The following SOCS5 variants were observed in gnomAD, a reference collection of about 807,000 sequenced individuals.
SOCS5 encodes the protein CIS-6.
A neutral mutation model predicts 42.8 loss-of-function variants in SOCS5; 32 were observed. The ratio of observed to expected loss-of-function variants is 0.75; its 90% CI spans 0.56 to 1.01. SOCS5 has a LOEUF of 1.01. Among genes scored for constraint, SOCS5 ranks in the 50% least tolerant of loss-of-function variants. The pLI is 0.00. For synonymous variants in SOCS5, 283 were observed against 229.6 expected (o/e 1.23, Z -2.10); for missense variants, 627 against 653.0 (o/e 0.96, Z 0.43).
intron 1 of SOCS5, among the ~76,000 whole-genome samples, chr2:46,746,800 C>T (rs1673509257): frequency 6.6e-6 from 1 of 151,766 alleles, no homozygotes; most frequent in African/African-American, 2.4e-5. Context: ...TGTGACCCTG[C>T]TAAACTCACT....
chr2:46,701,591 TATTTGTG>T (rs2103683690), intron 1 of SOCS5, among the ~76,000 whole-genome samples: 1 of 152,162 alleles, frequency 6.6e-6, no homozygotes, highest in African/African-American at 2.4e-5. Context: ...GTTTTTGGAT[TATTTGTG>T]ATTTGTTCCC....
chr2:46,711,398 G>A (rs1298719066), intron 1 of SOCS5, among the ~76,000 whole-genome samples: 1 of 152,140 alleles, frequency 6.6e-6, no homozygotes, highest in African/African-American at 2.4e-5. Context: ...ATTTTGTCAT[G>A]TGCTTATAGG....
intron 1 of SOCS5, among the ~76,000 whole-genome samples, chr2:46,721,579 A>T (rs1290010468): frequency 6.6e-6 from 1 of 152,202 alleles, no homozygotes; most frequent in Non-Finnish European, 1.5e-5. Flanking sequence ...CTTCCACATT[A>T]GACTTATATT....
chr2:46,718,020 C>T (rs1672788657), intron 1 of SOCS5, among the ~76,000 whole-genome samples: 1 of 152,158 alleles, frequency 6.6e-6, no homozygotes, highest in African/African-American at 2.4e-5. Flanking sequence ...TCTAGTTTTG[C>T]TGCTCAAATT....
At chr2:46,715,380 AAAAAAG>A (rs957137377) in intron 1 of SOCS5, among the ~76,000 whole-genome samples, 2 of 151,884 alleles carry the variant, frequency 1.3e-5, no homozygotes, top group African/African-American at 4.8e-5. Context: ...TCAAAAAAAA[AAAAAAG>A]AAAAGAAAAA....
chr2:46,723,349 G>A (rs1424557415), intron 1 of SOCS5, among the ~76,000 whole-genome samples: 1 of 150,862 alleles, frequency 6.6e-6, no homozygotes, highest in African/African-American at 2.4e-5. Flanking sequence ...TGAAGTTTAG[G>A]TTAAGGTTCA....
At chr2:46,702,907 C>T (rs1672374970) in intron 1 of SOCS5, among the ~76,000 whole-genome samples, 2 of 152,158 alleles carry the variant, frequency 1.3e-5, no homozygotes, top group South Asian at 2.1e-4. Flanking sequence ...TCAGGTTTTT[C>T]TGTTGCTTTT....
intron 1 of SOCS5, among the ~76,000 whole-genome samples, chr2:46,753,076 A>T (rs577563174): frequency 7.9e-5 from 12 of 152,218 alleles, no homozygotes; most frequent in African/African-American, 2.6e-4. Context: ...TACCTCTCCA[A>T]CTTCATCTTG....
chr2:46,731,438 C>T (rs568275635), intron 1 of SOCS5, among the ~76,000 whole-genome samples: 1 of 152,186 alleles, frequency 6.6e-6, no homozygotes, highest in Non-Finnish European at 1.5e-5. Flanking sequence ...GTGTATAAAC[C>T]ACCCTGTTTA....
intron 1 of SOCS5, among the ~76,000 whole-genome samples, chr2:46,706,266 A>G (rs531279461): frequency 6.6e-6 from 1 of 152,318 alleles, no homozygotes; most frequent in African/African-American, 2.4e-5. Context: ...AGGTTAAGTG[A>G]CTTTCCCAAG....
intron 1 of SOCS5, among the ~76,000 whole-genome samples, chr2:46,726,762 T>C (rs1201236438): frequency 6.7e-6 from 1 of 150,244 alleles, no homozygotes; most frequent in Non-Finnish European, 1.5e-5. Context: ...TTATTATTAT[T>C]ATTATTATTT....
In SOCS5 at chr2:46,730,759, C is replaced by T. The variant is rs116326855; in HGVS notation, c.-12-27760C>T. ...GGAAAAAATCTATCAATCACATTTC[C>T]GGAGTCTGCTTTATTAATCAGTCTA... On this transcript the variant is annotated intron_variant, in intron 1 of 1. Coordinates refer to ENST00000394861, the MANE Select transcript of SOCS5 (RefSeq NM_144949.3). 3.5e-3 allele frequency among the ~76,000 whole-genome samples: 538 copies of T among 152,226 alleles called. 11 individuals are homozygous for T. The highest frequency in any genetic ancestry group is 0.012 in the African/African-American group (496 of 41,536).
rs917662284 is a variant in SOCS5 at position 46,761,296 on chromosome 2, A to G, written c.*1155A>G. On this transcript the variant is annotated 3_prime_UTR_variant, in exon 2 of 2. Coordinates refer to ENST00000394861, the MANE Select transcript of SOCS5 (RefSeq NM_144949.3). ...GTGAGCGCTTTTGGAAGTTATATCAAGTTCTAGTGTTTGCTTCTTAGTAAC... is the reference window on the plus strand; with the variant it reads ...GTGAGCGCTTTTGGAAGTTATATCAGGTTCTAGTGTTTGCTTCTTAGTAAC... 4 of 167,084 alleles carry G rather than the reference A, an allele frequency of 2.4e-5. No individual in the cohort carries two copies. Among genetic ancestry groups the G allele is most frequent in the Non-Finnish European group, 5.9e-5 (4 of 68,112 alleles). 10.4% of individuals were successfully genotyped at this position (167,084 alleles called of 1,614,324 possible).
intron 1 of SOCS5, among the ~76,000 whole-genome samples, chr2:46,725,774 A>G (rs986159432): frequency 2.0e-5 from 3 of 151,856 alleles, no homozygotes; most frequent in Non-Finnish European, 1.5e-5. Flanking sequence ...TTTCTCTTCT[A>G]TCCTTTAGTA....
chr2:46,760,204 A>G lies in SOCS5; in HGVS notation c.*63A>G, dbSNP rs1295263556. On this transcript the variant is annotated 3_prime_UTR_variant, in exon 2 of 2. Coordinates refer to ENST00000394861, the MANE Select transcript of SOCS5 (RefSeq NM_144949.3). ...TTCATGTGCATCAGACAGTACACCT[A>G]TAGCAAGCACACGTAGCAGTGTTAG... 34 of 1,220,084 alleles carry G rather than the reference A, an allele frequency of 2.8e-5. No individual in the cohort carries two copies. Among genetic ancestry groups the G allele is most frequent in the Non-Finnish European group, 3.9e-5 (33 of 853,198 alleles). The allele number at this position is 1,220,084 out of a possible 1,614,324, so 75.6% of individuals were successfully genotyped here.
intron 1 of SOCS5, among the ~76,000 whole-genome samples, chr2:46,730,139 C>T (rs930147136): frequency 3.3e-5 from 5 of 152,124 alleles, no homozygotes; most frequent in African/African-American, 1.2e-4. Flanking sequence ...CATTATGCAG[C>T]ACATGACTGT....
At chr2:46,720,038 A>G (rs185371575) in intron 1 of SOCS5, among the ~76,000 whole-genome samples, 1 of 152,320 alleles carries the variant, frequency 6.6e-6, no homozygotes, top group Non-Finnish European at 1.5e-5. Flanking sequence ...TATCTGCTGA[A>G]AGGATGTGAG....
In SOCS5 at chr2:46,758,918, A is replaced by G; in HGVS notation, c.388A>G (p.Thr130Ala). Residue 130 changes from threonine to alanine, a missense_variant, in exon 2 of 2, where the codon ACA becomes GCA. This residue lies in a region of SOCS5 where 278 missense variants were observed against 246.3 expected (regional missense o/e 1.13). Coordinates refer to ENST00000394861, the MANE Select transcript of SOCS5 (RefSeq NM_144949.3). ...WGGKKKHSCS[T>A]KTQSSLDADK... ...TGGGAAGAAAAAACATTCCTGTTCT[A>G]CAAAGACCCAGAGTTCATTGGATGC... 1 of 1,614,048 alleles carries G rather than the reference A, an allele frequency of 6.2e-7. No individual in the cohort carries two copies. Among genetic ancestry groups the G allele is most frequent in the Non-Finnish European group, 8.5e-7 (1 of 1,179,896 alleles).
At position 46,758,513 on chromosome 2, in the gene SOCS5, C is replaced by CT; in HGVS notation, c.-12-3dup. ...TATTTTTCTCTTTTTGCTGTTTTGT[C>CT]TTTAGATTTTATAATCAATGGATAA... On this transcript the variant is annotated splice_region_variant and splice_polypyrimidine_tract_variant and intron_variant, in intron 1 of 1. Coordinates refer to ENST00000394861, the MANE Select transcript of SOCS5 (RefSeq NM_144949.3). 1 of 1,560,956 alleles carries CT rather than the reference C, an allele frequency of 6.4e-7. No individual in the cohort carries two copies. The highest frequency in any genetic ancestry group is 8.7e-7 in the Non-Finnish European group (1 of 1,153,660).
Sources: gnomAD v4.1 joint callset for allele counts (sites outside exome capture counted in the v4.1 genomes callset) on GRCh38, gnomAD v4.1.1 for gene constraint, gnomAD v4.1.1 regional missense constraint, MANE v1.5 for transcripts, NCBI Gene and HGNC (gene_info 2026-07-23, HGNC 2026-07-21) for gene names.